QNG1: variants seen among roughly 807,000 people sequenced by gnomAD.
The protein encoded by QNG1 is Q-nucleotide N-glycosylase 1, also known as queuosine 5'-phosphate N-glycosylase/hydrolase.
chr9:83,942,897 G>A, the QNG1 span, among the ~76,000 whole-genome samples: 1 of 152,180 alleles, frequency 6.6e-6, no homozygotes, highest in Non-Finnish European at 1.5e-5. Context: ...TGACATCTCT[G>A]TACAACTATG....
the QNG1 span, chr9:83,939,504 C>A: frequency 1.3e-6 from 2 of 1,593,422 alleles, no homozygotes; most frequent in Middle Eastern, 1.7e-4. Context: ...TCAGTTTACA[C>A]TTGAGGTCAA....
chr9:83,951,236 C>T, the QNG1 span, among the ~76,000 whole-genome samples: 12 of 151,904 alleles, frequency 7.9e-5, no homozygotes, highest in Admixed American at 7.2e-4. Context: ...TGCCATTGCA[C>T]GCCAGCAAGA....
the QNG1 span, chr9:83,938,390 T>C: frequency 6.6e-6 from 1 of 152,078 alleles, no homozygotes; most frequent in East Asian, 1.9e-4. Flanking sequence ...TATCCTAAAT[T>C]GAAAATCATG....
the QNG1 span, among the ~76,000 whole-genome samples, chr9:83,949,934 G>A: frequency 6.7e-6 from 1 of 150,274 alleles, no homozygotes. Context: ...TAGCAGACTA[G>A]TATATATAAA....
the QNG1 span, among the ~76,000 whole-genome samples, chr9:83,945,400 CAAAAA>C: frequency 4.5e-5 from 5 of 109,988 alleles, no homozygotes; most frequent in South Asian, 9.2e-4. Flanking sequence ...GACCCTGTCT[CAAAAA>C]AAAAAAAAAA....
the QNG1 span, chr9:83,953,776 T>C: frequency 1.3e-5 from 20 of 1,546,550 alleles, no homozygotes; most frequent in Admixed American, 1.6e-4. Context: ...CAAAAGAATT[T>C]TACAAAAACA....
the QNG1 span, among the ~76,000 whole-genome samples, chr9:83,954,950 C>T: frequency 5.6e-5 from 8 of 142,238 alleles, no homozygotes; most frequent in Non-Finnish European, 1.2e-4. Flanking sequence ...GTAATCACAA[C>T]ACTTTGGGAG....
chr9:83,954,334 C>G, the QNG1 span, among the ~76,000 whole-genome samples: 3 of 151,734 alleles, frequency 2.0e-5, no homozygotes, highest in Non-Finnish European at 2.9e-5. Flanking sequence ...AGGTTTGAAA[C>G]ATTTTAAAAG....
At chr9:83,944,816 G>A in the QNG1 span, 1 of 1,613,122 alleles carries the variant, frequency 6.2e-7, no homozygotes, top group Non-Finnish European at 8.5e-7. Flanking sequence ...TCTTCAGTAG[G>A]TCATCAGAGT....
the QNG1 span, among the ~76,000 whole-genome samples, chr9:83,946,619 G>GCT: frequency 6.6e-6 from 1 of 152,182 alleles, no homozygotes; most frequent in Admixed American, 6.5e-5. Flanking sequence ...AAGTGTGGTG[G>GCT]CTTACACTTG....
At chr9:83,946,071 C>G in the QNG1 span, among the ~76,000 whole-genome samples, 1 of 151,910 alleles carries the variant, frequency 6.6e-6, no homozygotes, top group Non-Finnish European at 1.5e-5. Context: ...CTTTGGGAGA[C>G]TGAGACAGGA....
At chr9:83,953,905 T>G in the QNG1 span, 1 of 1,098,424 alleles carries the variant, frequency 9.1e-7, no homozygotes, top group South Asian at 1.4e-5. Context: ...CAAGAAATAC[T>G]TTTTTGAGAT....
At chr9:83,956,773 G>A in the QNG1 span, 1 of 376,200 alleles carries the variant, frequency 2.7e-6, no homozygotes, top group African/African-American at 2.1e-5. Context: ...GCCCTCTCGG[G>A]CGCGCTCTCA....
the QNG1 span, among the ~76,000 whole-genome samples, chr9:83,952,749 C>T: frequency 4.8e-5 from 7 of 146,134 alleles, no homozygotes; most frequent in East Asian, 2.1e-4. Context: ...GAGCTGAGAT[C>T]GCGCCACTGC....
the QNG1 span, chr9:83,944,927 C>T: frequency 6.2e-7 from 1 of 1,613,980 alleles, no homozygotes; most frequent in Non-Finnish European, 8.5e-7. Flanking sequence ...CTTTTCCTTC[C>T]AATACACTCC....
chr9:83,955,766 G>T, the QNG1 span: 1 of 907,464 alleles, frequency 1.1e-6, no homozygotes, highest in Non-Finnish European at 1.7e-6. Flanking sequence ...AAAAGTGGAA[G>T]AATAAAAAAT....
chr9:83,952,033 C>T, the QNG1 span, among the ~76,000 whole-genome samples: 2 of 152,142 alleles, frequency 1.3e-5, no homozygotes, highest in African/African-American at 4.8e-5. Context: ...CTCTTCCAGG[C>T]TGGAGTAAAG....
chr9:83,950,105 A>C, the QNG1 span, among the ~76,000 whole-genome samples: 1 of 148,544 alleles, frequency 6.7e-6, no homozygotes, highest in South Asian at 2.1e-4. Context: ...GCTGGAGTGC[A>C]ATGGTGCAAT....
the QNG1 span, chr9:83,938,982 C>T: frequency 5.7e-5 from 9 of 157,156 alleles, no homozygotes; most frequent in African/African-American, 2.2e-4. Context: ...CTCCTCGCCT[C>T]AAGCAATCCT....
Sources: allele counts gnomAD v4.1 joint callset (sites outside exome capture counted in the v4.1 genomes callset), GRCh38; gene constraint gnomAD v4.1.1; transcripts MANE v1.5; gene names NCBI Gene and HGNC (gene_info 2026-07-23, HGNC 2026-07-21).